The following ABI1 variants were observed in gnomAD, a reference collection of about 807,000 sequenced individuals.
The protein encoded by ABI1 is Abelson interactor 1.
Under a neutral mutation model 54.6 loss-of-function variants are expected in ABI1, and 14 were observed. That is an observed-to-expected ratio of 0.26 (90% confidence interval 0.17 to 0.40). ABI1 has a LOEUF of 0.40. Among genes scored for constraint, ABI1 ranks in the 10% least tolerant of loss-of-function variants. ABI1 has a pLI of 1.00. For synonymous variants in ABI1, 194 were observed against 209.3 expected (o/e 0.93, Z 0.63); for missense variants, 443 against 598.3 (o/e 0.74, Z 2.71).
At chr10:26,804,583 T>C (rs927868229) in intron 2 of ABI1, among the ~76,000 whole-genome samples, 3 of 151,988 alleles carry the variant, frequency 2.0e-5, no homozygotes, top group South Asian at 2.1e-4. Context: ...ACAAGAGAGA[T>C]TGAATATAAG....
chr10:26,758,023 G>A lies in ABI1; in HGVS notation c.997+1039C>T, dbSNP rs147994333. ...GGTGAGGTTGCAGTGGACCGAGATCGCGCCACTGCACTCCAGCCTGGGCGA... is the reference window on the plus strand; with the variant it reads ...GGTGAGGTTGCAGTGGACCGAGATCACGCCACTGCACTCCAGCCTGGGCGA... On this transcript the variant is annotated intron_variant, in intron 8 of 10. Coordinates refer to ENST00000376140, the MANE Select transcript of ABI1 (RefSeq NM_001012750.3). 8.9e-3 allele frequency among the ~76,000 whole-genome samples: 1,192 copies of A among 134,344 alleles called. 10 individuals are homozygous for A. The highest frequency in any genetic ancestry group is 0.014 in the Non-Finnish European group (898 of 66,104). The allele number at this position is 134,344 out of a possible 152,430, so 88.1% of individuals were successfully genotyped here. A position where few individuals can be genotyped will look rare whatever the true frequency, so the allele number is the denominator to read the frequency against.
At chr10:26,850,383 G>C (rs1031618566) in intron 1 of ABI1, among the ~76,000 whole-genome samples, 1 of 152,172 alleles carries the variant, frequency 6.6e-6, no homozygotes, top group Non-Finnish European at 1.5e-5. Context: ...TTCTCGGCCA[G>C]GTGTGGTGGC....
chr10:26,828,320 A>G (rs545304928), intron 1 of ABI1, among the ~76,000 whole-genome samples: 8 of 152,358 alleles, frequency 5.3e-5, no homozygotes, highest in Admixed American at 4.6e-4. Flanking sequence ...ACCATAACAG[A>G]TACAGTAATA....
At chr10:26,821,191 G>A (rs2047952643) in intron 2 of ABI1, among the ~76,000 whole-genome samples, 1 of 147,588 alleles carries the variant, frequency 6.8e-6, no homozygotes, top group Non-Finnish European at 1.5e-5. Context: ...GTTGCAGTGA[G>A]CCGAGATCAT....
chr10:26,785,319 C>A (rs1421003541), intron 2 of ABI1, among the ~76,000 whole-genome samples: 1 of 152,124 alleles, frequency 6.6e-6, no homozygotes, highest in Non-Finnish European at 1.5e-5. Flanking sequence ...TGTTCCATAC[C>A]AACTTGCTAC....
intron 10 of ABI1, among the ~76,000 whole-genome samples, chr10:26,751,368 T>C (rs889066026): frequency 1.3e-5 from 2 of 151,690 alleles, no homozygotes; most frequent in Non-Finnish European, 2.9e-5. Flanking sequence ...TGAACGCATA[T>C]GTAGTTTGAA....
intron 9 of ABI1, among the ~76,000 whole-genome samples, chr10:26,755,215 T>G (rs575825378): frequency 6.6e-6 from 1 of 152,204 alleles, no homozygotes; most frequent in Non-Finnish European, 1.5e-5. Context: ...CCCTAAAATT[T>G]TGAAATTAAG....
chr10:26,812,148 T>A (rs2047280651), intron 2 of ABI1, among the ~76,000 whole-genome samples: 1 of 152,200 alleles, frequency 6.6e-6, no homozygotes, highest in Non-Finnish European at 1.5e-5. Context: ...CACTGCATAA[T>A]CCAGGATAAT....
intron 2 of ABI1, among the ~76,000 whole-genome samples, chr10:26,804,460 A>T (rs1008956230): frequency 6.6e-6 from 1 of 152,196 alleles, no homozygotes; most frequent in Non-Finnish European, 1.5e-5. Flanking sequence ...CAGCAGATTC[A>T]AGAACTTGGT....
chr10:26,808,886 G>A (rs2047043607), intron 2 of ABI1, among the ~76,000 whole-genome samples: 1 of 151,936 alleles, frequency 6.6e-6, no homozygotes, highest in African/African-American at 2.4e-5. Context: ...GGAGAAGGGG[G>A]AAAGGTAATA....
At position 26,756,181 on chromosome 10, in the gene ABI1, T is replaced by C. The variant is rs1838279987; in HGVS notation, c.998-440A>G. Among the ~76,000 whole-genome samples, 2 of 152,176 alleles carry C rather than the reference T, an allele frequency of 1.3e-5. 1 individual carries two copies. Among genetic ancestry groups the C allele is most frequent in the African/African-American group, 4.8e-5 (2 of 41,456 alleles). Reference sequence around the variant, plus strand: ...AGGTTTGTCTAGCTTTAAGGTAATGTTGTAAATTAGGACCCAAATAAATAA... The same window carrying C: ...AGGTTTGTCTAGCTTTAAGGTAATGCTGTAAATTAGGACCCAAATAAATAA... On this transcript the variant is annotated intron_variant, in intron 8 of 10. Coordinates refer to ENST00000376140, the MANE Select transcript of ABI1 (RefSeq NM_001012750.3).
intron 6 of ABI1, among the ~76,000 whole-genome samples, chr10:26,767,997 G>T (rs956489974): frequency 6.6e-6 from 1 of 151,844 alleles, no homozygotes. Context: ...AGTGAGCCGA[G>T]ATCGCGTCAC....
At chr10:26,817,090 C>T (rs1344409215) in intron 2 of ABI1, among the ~76,000 whole-genome samples, 2 of 151,884 alleles carry the variant, frequency 1.3e-5, no homozygotes, top group African/African-American at 4.8e-5. Context: ...ACTTCTGCCT[C>T]CCGAGTTGAG....
At position 26,785,483 on chromosome 10, in the gene ABI1, A is replaced by G. The variant is rs183619600; in HGVS notation, c.286-8242T>C. On this transcript the variant is annotated intron_variant, in intron 2 of 10. Coordinates refer to ENST00000376140, the MANE Select transcript of ABI1 (RefSeq NM_001012750.3). ...ATGCCTGTAATCCCAGCACTTTGGGAGGCCGAGTAGGGCAGATCACCTGAG... is the reference window on the plus strand; with the variant it reads ...ATGCCTGTAATCCCAGCACTTTGGGGGGCCGAGTAGGGCAGATCACCTGAG... 6.1e-3 allele frequency among the ~76,000 whole-genome samples: 931 copies of G among 152,234 alleles called. 5 individuals are homozygous for G. Among genetic ancestry groups the G allele is most frequent in the Non-Finnish European group, 9.7e-3 (662 of 67,998 alleles).
In ABI1 at chr10:26,748,542, A is replaced by T; in HGVS notation, c.*28T>A. The T allele has an allele frequency of 3.2e-6, 5 of 1,541,122 alleles. No homozygotes were observed. Among genetic ancestry groups the T allele is most frequent in the Non-Finnish European group, 4.4e-6 (5 of 1,130,630 alleles). ...AGTCCCACAGTATGACTGAGTAATA[A>T]GAATCTACTTCAAAAGAAAAAAAAA... On this transcript the variant is annotated 3_prime_UTR_variant, in exon 11 of 11. Coordinates refer to ENST00000376140, the MANE Select transcript of ABI1 (RefSeq NM_001012750.3).
intron 2 of ABI1, among the ~76,000 whole-genome samples, chr10:26,785,208 C>T (rs1453273710): frequency 6.6e-6 from 1 of 152,134 alleles, no homozygotes. Context: ...TACCAGAAGC[C>T]AAGAAGGTAT....
chr10:26,792,129 A>G (rs1843550623), intron 2 of ABI1, among the ~76,000 whole-genome samples: 1 of 152,236 alleles, frequency 6.6e-6, no homozygotes, highest in Non-Finnish European at 1.5e-5. Context: ...AATGATAAAC[A>G]TCCCTTTTGT....
chr10:26,819,496 T>A (rs1243043699), intron 2 of ABI1, among the ~76,000 whole-genome samples: 1 of 152,220 alleles, frequency 6.6e-6, no homozygotes, highest in Non-Finnish European at 1.5e-5. Flanking sequence ...GATTTCAATT[T>A]ACCTTCCTTA....
At chr10:26,844,677 G>C (rs909080281) in intron 1 of ABI1, among the ~76,000 whole-genome samples, 4 of 152,236 alleles carry the variant, frequency 2.6e-5, no homozygotes, top group Admixed American at 2.6e-4. Context: ...AGCTGAAAAA[G>C]AGGGGGTCTA....
Sources: allele counts gnomAD v4.1 joint callset (sites outside exome capture counted in the v4.1 genomes callset), GRCh38; gene constraint gnomAD v4.1.1; transcripts MANE v1.5; gene names NCBI Gene and HGNC (gene_info 2026-07-23, HGNC 2026-07-21).